VPS11: variants seen among roughly 807,000 people sequenced by gnomAD.
The protein encoded by VPS11 is VPS11 core subunit of CORVET and HOPS complexes.
In VPS11, 51 loss-of-function variants were observed where a neutral mutation model predicts 106.8. The observed-to-expected ratio is 0.48, with a 90% CI of 0.38 to 0.60. The LOEUF (loss-of-function observed/expected upper bound fraction) is 0.60. Among genes scored for constraint, VPS11 ranks in the 20% least tolerant of loss-of-function variants. The probability of loss-of-function intolerance (pLI) is 0.00; values close to 1 mark genes in which losing one functional copy is unlikely to be tolerated. For missense variants in VPS11, 950 were observed against 1,190.0 expected, an observed-to-expected ratio of 0.80 and a Z score of 2.97; for synonymous variants, 453 against 458.7, an observed-to-expected ratio of 0.99 and a Z score of 0.16.
rs539585479 is a variant in VPS11 at position 119,069,696 on chromosome 11, G to A, written c.472+119G>A. 9.8e-6 allele frequency: 14 copies of A among 1,429,806 alleles called. No individual in the cohort carries two copies. The Middle Eastern group carries it at 7.2e-4, about 74-fold the overall frequency. 88.6% of individuals were successfully genotyped at this position (1,429,806 alleles called of 1,614,324 possible). On this transcript the variant is annotated intron_variant, in intron 3 of 15. Transcript: ENST00000621676. ...CTTTGTACTGAACTGAGGCCTTTGC[G>A]ATATTAAATTTTGGAATGGGGGCCA... is the stretch of plus-strand genomic sequence containing the variant.
intron 14 of VPS11, among the ~76,000 whole-genome samples, chr11:119,079,628 T>G (rs928730469): frequency 2.0e-5 from 3 of 151,884 alleles, no homozygotes; most frequent in Non-Finnish European, 2.9e-5. Flanking sequence ...GAGGCTGGAG[T>G]GGAGGGGTGT....
intron 4 of VPS11, 26 bp from the exon 5 acceptor site, chr11:119,071,570 G>C (rs781850283): frequency 1.2e-6 from 2 of 1,612,368 alleles, no homozygotes; most frequent in East Asian, 2.2e-5. Context: ...AAAGGAGCCT[G>C]TTAACCCCTT....
intron 7 of VPS11, among the ~76,000 whole-genome samples, chr11:119,076,520 C>T (rs1945626751): frequency 6.6e-6 from 1 of 150,906 alleles, no homozygotes; most frequent in Non-Finnish European, 1.5e-5. Flanking sequence ...GAGCGAACCT[C>T]CCTCTCAAAA....
intron 14 of VPS11, among the ~76,000 whole-genome samples, chr11:119,080,223 T>C (rs1014673305): frequency 6.6e-6 from 1 of 151,948 alleles, no homozygotes; most frequent in Non-Finnish European, 1.5e-5. Context: ...CATGCCTGGC[T>C]AATTTTTGTA....
Position 119,081,735 on chromosome 11 carries a change from A to C in VPS11, c.*112A>C. ...CTGACATGCCCAGGGCTCCACTCTCATCTAATGTCACAGCCCTCAGAACTA... is the reference window on the plus strand; with the variant it reads ...CTGACATGCCCAGGGCTCCACTCTCCTCTAATGTCACAGCCCTCAGAACTA... On this transcript the variant is annotated 3_prime_UTR_variant, in exon 16 of 16. Coordinates refer to ENST00000621676, the MANE Select transcript of VPS11 (RefSeq NM_021729.6). The C allele has an allele frequency of 7.9e-5, 108 of 1,372,954 alleles. No homozygotes were observed. The highest frequency in any genetic ancestry group is 2.5e-4 in the Middle Eastern group (1 of 3,930). The allele number at this position is 1,372,954 out of a possible 1,614,324, so 85.0% of individuals were successfully genotyped here. A position where few individuals can be genotyped will look rare whatever the true frequency, so the allele number is the denominator to read the frequency against.
chr11:119,075,845 T>G, intron 7 of VPS11, among the ~76,000 whole-genome samples: 1 of 151,730 alleles, frequency 6.6e-6, no homozygotes, highest in Non-Finnish European at 1.5e-5. Flanking sequence ...GAGGCTATAG[T>G]GAGCCAAGAT....
In VPS11 at chr11:119,073,342, G is replaced by C. The variant is rs1176078818; in HGVS notation, c.1029G>C (p.Leu343=). ...VLAEWGSLYV[L]TRDGRVHALQ... ...CTGAGTGGGGCTCCCTGTACGTGCT[G>C]ACGCGGGATGGGCGGGTCCACGCAC... The change falls in exon 6 of 16, where the codon CTG becomes CTC. Residue 343 remains leucine (L), a synonymous_variant. Transcript: ENST00000621676. 1 of 1,613,934 alleles carries C rather than the reference G, an allele frequency of 6.2e-7. No homozygotes were observed. The highest frequency in any genetic ancestry group is 1.7e-5 in the Admixed American group (1 of 60,024).
rs782006534 is a variant in VPS11, at chr11:119,081,594, C to T, written c.2797C>T (p.Leu933=). The change falls in exon 16 of 16, where the codon CTA becomes TTA. Residue 933 remains leucine (L), a synonymous_variant. Transcript: ENST00000621676. The part of the protein sequence containing the change: ...SSLEAGLQRD[L]LMHSRRGT ...CCTGGAGGCTGGGCTGCAACGCGAC[C>T]TACTCATGCACTCCAGGAGGGGCAC... The T allele has an allele frequency of 6.2e-7, 1 of 1,613,946 alleles. No homozygotes were observed. The highest frequency in any genetic ancestry group is 8.5e-7 in the Non-Finnish European group (1 of 1,179,872).
In VPS11 at chr11:119,077,869, T is replaced by G. The variant is rs1298155355; in HGVS notation, c.1573-9T>G. On this transcript the variant is annotated splice_polypyrimidine_tract_variant and intron_variant, in intron 9 of 15. Transcript: ENST00000621676. Reference sequence around the variant, plus strand: ...AGTATACACTATTCTGCCCTTTACTTTTCCACAGAATTATCAGGAAGCCCT... The same window carrying G: ...AGTATACACTATTCTGCCCTTTACTGTTCCACAGAATTATCAGGAAGCCCT... 1 of 1,613,844 alleles carries G rather than the reference T, an allele frequency of 6.2e-7. No homozygotes were observed. The highest frequency in any genetic ancestry group is 8.5e-7 in the Non-Finnish European group (1 of 1,179,846).
At chr11:119,081,359 TCA>T (rs782463907) in intron 15 of VPS11, 45 bp downstream of exon 15, 1 of 1,611,730 alleles carries the variant, frequency 6.2e-7, no homozygotes, top group Non-Finnish European at 8.5e-7. Flanking sequence ...CCCACTAGTG[TCA>T]CAGAGTCACT....
rs1335948183 is a variant in VPS11 at position 119,081,855 on chromosome 11, C to A, written c.*232C>A. On this transcript the variant is annotated 3_prime_UTR_variant, in exon 16 of 16. Coordinates refer to ENST00000621676, the MANE Select transcript of VPS11 (RefSeq NM_021729.6). ...ATCATTCCAGATCAGTGGGGGAGGG[C>A]ACCTCAGCAACCTCTGAGTGTGGAC... 5 of 564,980 alleles carry A rather than the reference C, an allele frequency of 8.8e-6. No individual in the cohort carries two copies. The highest frequency in any genetic ancestry group is 1.5e-5 in the Non-Finnish European group (5 of 328,928). The allele number at this position is 564,980 out of a possible 1,614,324, so 35.0% of individuals were successfully genotyped here.
chr11:119,080,442 C>A (rs566625382), intron 14 of VPS11, among the ~76,000 whole-genome samples: 15 of 152,014 alleles, frequency 9.9e-5, no homozygotes, highest in African/African-American at 3.4e-4. Flanking sequence ...AATCTCGGCT[C>A]ACTGCAACCT....
In VPS11 at chr11:119,071,992, A is replaced by T. The variant is rs1945411984; in HGVS notation, c.884+149A>T. 4.3e-5 allele frequency: 45 copies of T among 1,042,266 alleles called. 1 individual carries two copies. In the South Asian group the frequency reaches 6.4e-4, roughly 15 times the overall value. 64.6% of individuals were successfully genotyped at this position (1,042,266 alleles called of 1,614,324 possible). ...AACATTTCTGTTTTTTTTTTTTGAG[A>T]TGGAGTCTCGCTCTGTCACCCAGGA... On this transcript the variant is annotated intron_variant, in intron 5 of 15. Coordinates refer to ENST00000621676, the MANE Select transcript of VPS11 (RefSeq NM_021729.6).
intron 9 of VPS11, 21 bp downstream of exon 9, chr11:119,077,668 T>C: frequency 6.4e-7 from 1 of 1,571,404 alleles, no homozygotes. Context: ...CTGTCTTTTT[T>C]CCCCAAGAGA....
At chr11:119,068,050 C>T (rs2133640655) in intron 1 of VPS11, 40 bp downstream of exon 1, 1 of 1,552,422 alleles carries the variant, frequency 6.4e-7, no homozygotes, top group East Asian at 2.3e-5. Context: ...TCCCGGGATC[C>T]CGAAGAGATC....
intron 4 of VPS11, 69 bp from the exon 5 acceptor site, chr11:119,071,527 A>T: frequency 6.4e-7 from 1 of 1,573,218 alleles, no homozygotes; most frequent in Non-Finnish European, 8.7e-7. Context: ...TGGAGATGGG[A>T]ATACCTTTGT....
Position 119,081,709 on chromosome 11 carries a change from G to C in VPS11, c.*86G>C. ...TGGGCGGGCGTTACACAGAAGGCTG[G>C]CTGACATGCCCAGGGCTCCACTCTC... On this transcript the variant is annotated 3_prime_UTR_variant, in exon 16 of 16. Transcript: ENST00000621676. The C allele has an allele frequency of 2.0e-6, 3 of 1,512,880 alleles. No individual in the cohort carries two copies. The highest frequency in any genetic ancestry group is 1.2e-5 in the South Asian group (1 of 81,076). The allele number at this position is 1,512,880 out of a possible 1,614,324, so 93.7% of individuals were successfully genotyped here. A position where few individuals can be genotyped will look rare whatever the true frequency, so the allele number is the denominator to read the frequency against.
intron 14 of VPS11, 77 bp downstream of exon 14, chr11:119,079,377 C>G (rs1945765330): frequency 1.4e-6 from 2 of 1,458,100 alleles, no homozygotes; most frequent in Non-Finnish European, 1.8e-6. Flanking sequence ...TAAGTACTTT[C>G]CGTAGAGGAT....
intron 7 of VPS11, among the ~76,000 whole-genome samples, chr11:119,074,496 C>T (rs903716684): frequency 6.6e-6 from 1 of 150,820 alleles, no homozygotes; most frequent in African/African-American, 2.4e-5. Flanking sequence ...ACCTCTGCCT[C>T]GGGTTCAAGC....
Sources: allele counts gnomAD v4.1 joint callset (sites outside exome capture counted in the v4.1 genomes callset), GRCh38; gene constraint gnomAD v4.1.1; transcripts MANE v1.5; gene names NCBI Gene and HGNC (gene_info 2026-07-23, HGNC 2026-07-21).